The following PRKCE variants were observed in gnomAD, a reference collection of about 807,000 sequenced individuals.
PRKCE encodes the protein protein kinase C epsilon type.
In PRKCE, 16 loss-of-function variants were observed where a neutral mutation model predicts 85.4. The observed-to-expected ratio is 0.19, with a 90% confidence interval of 0.13 to 0.28. The LOEUF (loss-of-function observed/expected upper bound fraction) is 0.28. Ranked by LOEUF, PRKCE falls within the 10% of genes least tolerant of loss-of-function variation. The pLI is 1.00. For missense variants in PRKCE, 573 were observed against 975.2 expected (o/e 0.59, Z 5.49); for synonymous variants, 388 against 371.5 (o/e 1.04, Z -0.51).
intron 10 of PRKCE, among the ~76,000 whole-genome samples, chr2:46,040,267 A>C (rs1708141197): frequency 1.3e-5 from 2 of 152,106 alleles, no homozygotes; most frequent in South Asian, 2.1e-4. Flanking sequence ...AGCTAGGGGC[A>C]TTCCAGGGAG....
At chr2:45,810,815 G>A (rs1178460125) in intron 1 of PRKCE, among the ~76,000 whole-genome samples, 3 of 152,120 alleles carry the variant, frequency 2.0e-5, no homozygotes, top group African/African-American at 7.2e-5. Flanking sequence ...TTTTATAGTA[G>A]GGCACATTCG....
intron 10 of PRKCE, among the ~76,000 whole-genome samples, chr2:46,046,584 G>T (rs1708537195): frequency 6.6e-6 from 1 of 152,162 alleles, no homozygotes; most frequent in Non-Finnish European, 1.5e-5. Context: ...TTAAGCATGT[G>T]GCATTTTTCT....
chr2:45,784,360 A>C (rs1397019758), intron 1 of PRKCE, among the ~76,000 whole-genome samples: 1 of 152,236 alleles, frequency 6.6e-6, no homozygotes, highest in African/African-American at 2.4e-5. Flanking sequence ...CCTGCCAAAA[A>C]AGGAAGAAGT....
At chr2:46,003,112 C>T (rs1452955974) in intron 7 of PRKCE, among the ~76,000 whole-genome samples, 4 of 152,194 alleles carry the variant, frequency 2.6e-5, no homozygotes, top group African/African-American at 9.7e-5. Flanking sequence ...TGGGATGCTT[C>T]TGATGCCAAA....
At chr2:46,160,158 A>C (rs1362413614) in intron 14 of PRKCE, 1 of 209,210 alleles carries the variant, frequency 4.8e-6, no homozygotes, top group Non-Finnish European at 9.5e-6. Context: ...AGCCGTGGTC[A>C]TTCCGTGGAA....
chr2:45,993,335 C>T (rs779570125), intron 6 of PRKCE, among the ~76,000 whole-genome samples: 19 of 152,368 alleles, frequency 1.2e-4, no homozygotes, highest in South Asian at 2.1e-4. Context: ...TCCCCTTCCT[C>T]ACCACTTTGC....
chr2:45,957,848 G>T (rs1167886395), intron 2 of PRKCE, among the ~76,000 whole-genome samples: 2 of 151,886 alleles, frequency 1.3e-5, no homozygotes, highest in African/African-American at 4.8e-5. Flanking sequence ...GAGGTTCAAG[G>T]CTGCAGTGAG....
chr2:46,165,661 G>A (rs189203842), intron 14 of PRKCE, among the ~76,000 whole-genome samples: 4 of 152,342 alleles, frequency 2.6e-5, no homozygotes, highest in East Asian at 3.9e-4. Flanking sequence ...GCAGAGCGAT[G>A]TGTTTGGTGT....
chr2:46,058,024 T>A (rs1163603350), intron 10 of PRKCE, among the ~76,000 whole-genome samples: 1 of 152,150 alleles, frequency 6.6e-6, no homozygotes, highest in African/African-American at 2.4e-5. Flanking sequence ...TAATTCAGTT[T>A]CCTTTCCTCT....
intron 1 of PRKCE, among the ~76,000 whole-genome samples, chr2:45,698,986 T>C (rs1251840808): frequency 6.6e-6 from 1 of 152,228 alleles, no homozygotes; most frequent in Non-Finnish European, 1.5e-5. Flanking sequence ...TCTTGTCATC[T>C]TGTTTTAAGA....
chr2:45,996,987 A>G (rs989975736), intron 6 of PRKCE, among the ~76,000 whole-genome samples: 4 of 152,118 alleles, frequency 2.6e-5, no homozygotes, highest in Non-Finnish European at 5.9e-5. Context: ...GATTGATTCT[A>G]TTGCTTTACA....
intron 10 of PRKCE, among the ~76,000 whole-genome samples, chr2:46,028,415 A>G (rs1262425154): frequency 6.6e-6 from 1 of 152,218 alleles, no homozygotes; most frequent in Non-Finnish European, 1.5e-5. Context: ...AGTTTGTATT[A>G]TGAAAACCAT....
chr2:45,801,577 A>T (rs1020900466), intron 1 of PRKCE, among the ~76,000 whole-genome samples: 1 of 152,066 alleles, frequency 6.6e-6, no homozygotes, highest in Non-Finnish European at 1.5e-5. Context: ...TATGTCCTAA[A>T]CTCTGCACAG....
intron 14 of PRKCE, among the ~76,000 whole-genome samples, chr2:46,181,739 G>A (rs1679996238): frequency 6.6e-6 from 1 of 152,250 alleles, no homozygotes; most frequent in Non-Finnish European, 1.5e-5. Context: ...GCCAGTGCCA[G>A]AGGGCTTACA....
intron 2 of PRKCE, among the ~76,000 whole-genome samples, chr2:45,885,002 T>TTTGTTGTTG (rs61430995): frequency 4.1e-5 from 4 of 97,640 alleles, no homozygotes; most frequent in East Asian, 2.9e-4. Context: ...TATATATATA[T>TTTGTTGTTG]TTGTTGTTGT....
rs990100674 is a variant in PRKCE at position 45,724,273 on chromosome 2, A to G, written c.348+71825A>G. On this transcript the variant is annotated intron_variant, in intron 1 of 14. Transcript: ENST00000306156. ...ATTACGTTTGTTTGATGTTACTATT[A>G]TAACTGTTTTGGAGTGGCGTGAATT... Among the ~76,000 whole-genome samples the G allele has an allele frequency of 5.3e-5, 8 of 152,322 alleles. No homozygotes were observed. The South Asian group carries it at 1.0e-3, about 20-fold the overall frequency.
rs1422880088 is a variant in PRKCE at position 46,186,769 on chromosome 2, C to T, written c.*1888C>T. On this transcript the variant is annotated 3_prime_UTR_variant, in exon 15 of 15. Coordinates refer to ENST00000306156, the MANE Select transcript of PRKCE (RefSeq NM_005400.3). ...GCTCGGACAGTAACTATCTTGAGCC[C>T]ATTAGAGAGTCTGTGTCCATATTTG... The T allele has an allele frequency of 6.6e-6, 1 of 152,568 alleles. No individual in the cohort carries two copies. Among genetic ancestry groups the T allele is most frequent in the East Asian group, 1.9e-4 (1 of 5,202 alleles). 9.5% of individuals were successfully genotyped at this position (152,568 alleles called of 1,614,324 possible). A position where few individuals can be genotyped will look rare whatever the true frequency, so the allele number is the denominator to read the frequency against.
chr2:46,067,518 G>A (rs115425240), intron 10 of PRKCE, among the ~76,000 whole-genome samples: 1 of 152,282 alleles, frequency 6.6e-6, no homozygotes, highest in Non-Finnish European at 1.5e-5. Context: ...CCACATGTTT[G>A]GTGCGTATTC....
At chr2:45,945,706 C>T (rs1005565218) in intron 2 of PRKCE, among the ~76,000 whole-genome samples, 2 of 152,242 alleles carry the variant, frequency 1.3e-5, no homozygotes, top group Non-Finnish European at 2.9e-5. Context: ...ACCCCTTCCT[C>T]AGAGAAGTTT....
Sources: allele counts gnomAD v4.1 joint callset (sites outside exome capture counted in the v4.1 genomes callset), GRCh38; gene constraint gnomAD v4.1.1; transcripts MANE v1.5; gene names NCBI Gene and HGNC (gene_info 2026-07-23, HGNC 2026-07-21).